Variants in TBC1D19 observed in about 807,000 individuals in gnomAD.
The protein encoded by TBC1D19 is TBC1 domain family member 19.
TBC1D19 carries 60 observed loss-of-function variants against 89.0 expected under a neutral mutation model. That is an observed-to-expected ratio of 0.67 (90% confidence interval 0.55 to 0.84). The LOEUF is 0.84. TBC1D19 is among the 40% of genes least tolerant of loss of function. The pLI, the probability that TBC1D19 is intolerant of heterozygous loss-of-function variation, is 0.00. For synonymous variants in TBC1D19, 189 were observed against 199.7 expected (o/e 0.95, Z 0.45); for missense variants, 500 against 610.8 (o/e 0.82, Z 1.91).
intron 13 of TBC1D19, among the ~76,000 whole-genome samples, chr4:26,701,797 C>T (rs1318538198): frequency 6.6e-6 from 1 of 152,146 alleles, no homozygotes; most frequent in Non-Finnish European, 1.5e-5. Context: ...ATTTAACTAA[C>T]TCACTAAAAG....
At chr4:26,710,273 C>T (rs1164679171) in intron 13 of TBC1D19, among the ~76,000 whole-genome samples, 3 of 152,054 alleles carry the variant, frequency 2.0e-5, no homozygotes, top group East Asian at 1.9e-4. Flanking sequence ...TGAGTGAGAA[C>T]ATGCGGTGTT....
At position 26,625,906 on chromosome 4, in the gene TBC1D19, T is replaced by C. The variant is rs115159988; in HGVS notation, c.294+5218T>C. ...CTGACTGAGGTAGTATTTGTGAGCC[T>C]TCTCCACTGTAATGTTACTCTTTTT... is the stretch of plus-strand genomic sequence containing the variant. On this transcript the variant is annotated intron_variant, in intron 4 of 20. Transcript: ENST00000264866. 4.7e-3 allele frequency among the ~76,000 whole-genome samples: 711 copies of C among 152,252 alleles called. 2 individuals are homozygous for C. The highest frequency in any genetic ancestry group is 7.9e-3 in the Non-Finnish European group (539 of 68,018).
At chr4:26,819,083 G>T in the TBC1D19 span, among the ~76,000 whole-genome samples, 1 of 152,238 alleles carries the variant, frequency 6.6e-6, no homozygotes, top group Non-Finnish European at 1.5e-5. Flanking sequence ...GGCAGGTAGT[G>T]ACTTCCTGGG....
intron 1 of TBC1D19, among the ~76,000 whole-genome samples, chr4:26,591,430 G>C (rs1739798730): frequency 6.6e-6 from 1 of 152,062 alleles, no homozygotes; most frequent in Non-Finnish European, 1.5e-5. Context: ...TCAGTTATAT[G>C]TAAGAAACCC....
Position 26,735,441 on chromosome 4 carries a change from C to CTA in TBC1D19, c.1085-13_1085-12insAT, listed in dbSNP as rs1717985192. On this transcript the variant is annotated splice_polypyrimidine_tract_variant and intron_variant, in intron 15 of 20. Coordinates refer to ENST00000264866, the MANE Select transcript of TBC1D19 (RefSeq NM_018317.4). ...CCTACTACTTATTGAAAAGAAATAC[C>CTA]TTTTTTTTTTTAGGTGTTATCCCTT... 9.4e-7 allele frequency: 1 copy of CTA among 1,060,204 alleles called. No homozygotes were observed. Among genetic ancestry groups the CTA allele is most frequent in the South Asian group, 1.8e-5 (1 of 56,360 alleles). 65.7% of individuals were successfully genotyped at this position (1,060,204 alleles called of 1,614,324 possible).
At chr4:26,794,121 A>G in the TBC1D19 span, among the ~76,000 whole-genome samples, 1 of 152,236 alleles carries the variant, frequency 6.6e-6, no homozygotes, top group Non-Finnish European at 1.5e-5. Context: ...GAAGATGCAT[A>G]TTATAGGAGC....
chr4:26,769,196 A>G, the TBC1D19 span, among the ~76,000 whole-genome samples: 1 of 152,140 alleles, frequency 6.6e-6, no homozygotes, highest in Admixed American at 6.6e-5. Flanking sequence ...CAGTGAAAAC[A>G]TCTTTCAAAA....
intron 11 of TBC1D19, among the ~76,000 whole-genome samples, chr4:26,674,576 T>A (rs1490367433): frequency 1.3e-5 from 2 of 151,960 alleles, no homozygotes; most frequent in Non-Finnish European, 2.9e-5. Context: ...AAAACATGGG[T>A]TTTGGAATCA....
At chr4:26,701,666 T>C (rs1715345092) in intron 13 of TBC1D19, among the ~76,000 whole-genome samples, 1 of 152,196 alleles carries the variant, frequency 6.6e-6, no homozygotes, top group Non-Finnish European at 1.5e-5. Context: ...TAGATTTCCT[T>C]AGATTTTAGT....
At chr4:26,852,682 C>T in the TBC1D19 span, among the ~76,000 whole-genome samples, 5 of 151,856 alleles carry the variant, frequency 3.3e-5, no homozygotes, top group South Asian at 2.1e-4. Flanking sequence ...TGCAGTGGTG[C>T]GATCTTGGCT....
chr4:26,712,214 G>T (rs2109246904), intron 13 of TBC1D19, among the ~76,000 whole-genome samples: 1 of 151,978 alleles, frequency 6.6e-6, no homozygotes, highest in South Asian at 2.1e-4. Flanking sequence ...TTGTTGATTG[G>T]TTCTATTAGT....
intron 13 of TBC1D19, among the ~76,000 whole-genome samples, chr4:26,716,900 C>T (rs1443844078): frequency 6.6e-6 from 1 of 152,048 alleles, no homozygotes; most frequent in Non-Finnish European, 1.5e-5. Flanking sequence ...CCTGCCTTGG[C>T]CTCCCAAAGT....
the TBC1D19 span, among the ~76,000 whole-genome samples, chr4:26,761,367 T>C: frequency 6.6e-6 from 1 of 152,234 alleles, no homozygotes; most frequent in Non-Finnish European, 1.5e-5. Context: ...TTAGATCTGC[T>C]TTAATTTTAC....
At chr4:26,827,017 T>TA in the TBC1D19 span, among the ~76,000 whole-genome samples, 4 of 152,238 alleles carry the variant, frequency 2.6e-5, no homozygotes, top group South Asian at 8.3e-4. Context: ...CTACCTCTTT[T>TA]ATAAACTGTT....
At chr4:26,712,068 CT>C (rs1482260260) in intron 13 of TBC1D19, among the ~76,000 whole-genome samples, 1 of 152,002 alleles carries the variant, frequency 6.6e-6, no homozygotes, top group African/African-American at 2.4e-5. Context: ...TTCTACGAGT[CT>C]GCTAAACTAA....
chr4:26,591,099 C>A (rs1038180289), intron 1 of TBC1D19, among the ~76,000 whole-genome samples: 1 of 151,430 alleles, frequency 6.6e-6, no homozygotes, highest in African/African-American at 2.4e-5. Flanking sequence ...CCACTTTTTA[C>A]TGTCTCTATA....
rs1578023204 is a variant in TBC1D19, at chr4:26,755,060, C to G, written c.*113C>G. The G allele has an allele frequency of 2.2e-6, 2 of 902,902 alleles. No individual in the cohort carries two copies. The allele number at this position is 902,902 out of a possible 1,614,324, so 55.9% of individuals were successfully genotyped here. A position where few individuals can be genotyped will look rare whatever the true frequency, so the allele number is the denominator to read the frequency against. Reference sequence around the variant, plus strand: ...ACTTTGCATATAAGCCAATAAAGATCATGTTCCCTCTTCAGTTAAACCTAA... The same window carrying G: ...ACTTTGCATATAAGCCAATAAAGATGATGTTCCCTCTTCAGTTAAACCTAA... On this transcript the variant is annotated 3_prime_UTR_variant, in exon 21 of 21. Coordinates refer to ENST00000264866, the MANE Select transcript of TBC1D19 (RefSeq NM_018317.4).
Position 26,748,431 on chromosome 4 carries a change from G to T in TBC1D19, c.1340G>T (p.Trp447Leu). The T allele has an allele frequency of 6.2e-7, 1 of 1,613,476 alleles. No homozygotes were observed. The stretch of plus-strand genomic sequence containing the variant: ...TATAGACTTCGCATATCATTTAAGT[G>T]GATGGTTCGAGCTTTCTCTGGATAC... Reference protein sequence around the residue: ...GAQPLRISFKWMVRAFSGYLA... With the variant: ...GAQPLRISFKLMVRAFSGYLA... The change falls in exon 19 of 21, where the codon TGG becomes TTG. Residue 447 changes from tryptophan (W) to leucine (L), a missense_variant. Trp to Leu is a moderately conservative substitution (Grantham distance 61, BLOSUM62 -2). Transcript: ENST00000264866.
intron 12 of TBC1D19, among the ~76,000 whole-genome samples, chr4:26,686,618 G>T (rs886246018): frequency 2.6e-5 from 4 of 152,086 alleles, no homozygotes; most frequent in Admixed American, 6.5e-5. Context: ...ATGAGCTCTG[G>T]TCGGCCACAT....
Sources: gnomAD v4.1 joint callset for allele counts (sites outside exome capture counted in the v4.1 genomes callset) on GRCh38, gnomAD v4.1.1 for gene constraint, MANE v1.5 for transcripts, NCBI Gene and HGNC (gene_info 2026-07-23, HGNC 2026-07-21) for gene names.